The following ASXL3 variants were observed in gnomAD, a reference collection of about 807,000 sequenced individuals.
ASXL3 encodes the protein putative Polycomb group protein ASXL3.
ASXL3 carries 34 observed loss-of-function variants against 170.6 expected under a neutral mutation model. The observed-to-expected ratio is 0.20, with a 90% CI of 0.15 to 0.27. The LOEUF is 0.27. ASXL3 is among the 10% of genes least tolerant of loss of function. The probability of loss-of-function intolerance (pLI) is 1.00; values close to 1 mark genes in which losing one functional copy is unlikely to be tolerated. For missense variants in ASXL3, 2,592 were observed against 2,695.3 expected (o/e 0.96, Z 0.85); for synonymous variants, 1,002 against 989.1 (o/e 1.01, Z -0.24).
At chr18:33,686,696 G>C (rs1049428795) in intron 8 of ASXL3, among the ~76,000 whole-genome samples, 1 of 152,196 alleles carries the variant, frequency 6.6e-6, no homozygotes, top group Non-Finnish European at 1.5e-5. Context: ...GGGGAATATA[G>C]TCTACAACCT....
At chr18:33,609,043 T>TC in intron 2 of ASXL3, 1 of 985,022 alleles carries the variant, frequency 1.0e-6, no homozygotes, top group Non-Finnish European at 1.2e-6. Context: ...TGCTAGTTGT[T>TC]CCCCCAGAAA....
Position 33,743,816 on chromosome 18 carries a change from T to C in ASXL3, c.3968T>C (p.Leu1323Ser), listed in dbSNP as rs138597328. 1.2e-6 allele frequency: 2 copies of C among 1,613,994 alleles called. No individual in the cohort carries two copies. The highest frequency in any genetic ancestry group is 4.5e-5 in the East Asian group (2 of 44,864). ...TCAAGCTCCATGGATGATAAGCAGT[T>C]ACTAATATCAAGCAGCAGTGCTAGT... The part of the protein sequence containing the change: ...SISSSMDDKQ[L>S]LISSSSASNL... The change falls in exon 12 of 12, where the codon TTA becomes TCA. Residue 1323 changes from leucine (L) to serine (S), a missense_variant. This residue lies in a region of ASXL3 where 2,246 missense variants were observed against 2,219.6 expected (regional missense o/e 1.01). Coordinates refer to ENST00000269197, the MANE Select transcript of ASXL3 (RefSeq NM_030632.3).
At chr18:33,737,962 T>C (rs954209957) in intron 10 of ASXL3, among the ~76,000 whole-genome samples, 7 of 152,294 alleles carry the variant, frequency 4.6e-5, no homozygotes, top group African/African-American at 1.7e-4. Context: ...ATACGTTATT[T>C]TGCTTTTCTG....
intron 7 of ASXL3, among the ~76,000 whole-genome samples, chr18:33,676,311 T>A (rs2066430073): frequency 6.6e-6 from 1 of 151,392 alleles, no homozygotes; most frequent in African/African-American, 2.4e-5. Flanking sequence ...ACCACCCAGC[T>A]TGGGAAGCTA....
At chr18:33,710,229 C>T (rs375330915) in intron 8 of ASXL3, among the ~76,000 whole-genome samples, 22 of 152,258 alleles carry the variant, frequency 1.4e-4, no homozygotes, top group Admixed American at 4.6e-4. Context: ...CCACTGTACT[C>T]CAGCCTAGGC....
At chr18:33,612,261 G>T (rs551937088) in intron 2 of ASXL3, among the ~76,000 whole-genome samples, 2 of 152,054 alleles carry the variant, frequency 1.3e-5, no homozygotes, top group Admixed American at 6.6e-5. Context: ...CAATATTTAT[G>T]AGGTACATTT....
intron 8 of ASXL3, among the ~76,000 whole-genome samples, chr18:33,708,636 C>T (rs929264523): frequency 2.6e-5 from 4 of 152,110 alleles, no homozygotes; most frequent in Admixed American, 6.6e-5. Flanking sequence ...ACCAGCATAC[C>T]TGGCCTCTAC....
intron 8 of ASXL3, among the ~76,000 whole-genome samples, chr18:33,685,443 A>G (rs2066578653): frequency 6.6e-6 from 1 of 152,152 alleles, no homozygotes; most frequent in South Asian, 2.1e-4. Flanking sequence ...TAGGTGTTAG[A>G]AACGTTTAGG....
At chr18:33,669,659 T>C (rs2066310226) in intron 5 of ASXL3, among the ~76,000 whole-genome samples, 1 of 152,198 alleles carries the variant, frequency 6.6e-6, no homozygotes, top group Non-Finnish European at 1.5e-5. Context: ...CAAGGCAGTC[T>C]TTCAGGAGAT....
chr18:33,636,439 A>C (rs1486630484), intron 2 of ASXL3, among the ~76,000 whole-genome samples: 2 of 152,174 alleles, frequency 1.3e-5, no homozygotes, highest in African/African-American at 4.8e-5. Context: ...GTTTTTAAAT[A>C]AGAAAATTAT....
chr18:33,633,748 G>A lies in ASXL3; in HGVS notation c.138-11146G>A, dbSNP rs182234142. ...TAGTCCTGGCTACTCGGGAGGCTGAGGCAGGGGAATCACTTGAACCCGGGA... is the reference window on the plus strand; with the variant it reads ...TAGTCCTGGCTACTCGGGAGGCTGAAGCAGGGGAATCACTTGAACCCGGGA... On this transcript the variant is annotated intron_variant, in intron 2 of 11. Transcript: ENST00000269197. Among the ~76,000 whole-genome samples, 452 of 151,284 alleles carry A rather than the reference G, an allele frequency of 3.0e-3. 3 individuals are homozygous for A. Among genetic ancestry groups the A allele is most frequent in the African/African-American group, 0.011 (437 of 41,236 alleles).
chr18:33,683,701 C>G (rs1012198744), intron 8 of ASXL3, 133 bp downstream of exon 8: 1 of 976,180 alleles, frequency 1.0e-6, no homozygotes, highest in African/African-American at 1.7e-5. Flanking sequence ...TTATTGCTGT[C>G]ATTAGCTTAT....
Position 33,742,971 on chromosome 18 carries a change from A to G in ASXL3, c.3123A>G (p.Thr1041=). 1.2e-5 allele frequency: 19 copies of G among 1,613,894 alleles called. No individual in the cohort carries two copies. Among genetic ancestry groups the G allele is most frequent in the Non-Finnish European group, 1.6e-5 (19 of 1,179,858 alleles). ...SKPESRASTS[T]SVSGGRNTGA... ...CTGAGTCTCGAGCATCCACTAGCAC[A>G]TCTGTCAGTGGCGGGAGGAACACAG... Residue 1041 remains threonine, a synonymous_variant, in exon 12 of 12, where the codon ACA becomes ACG. Transcript: ENST00000269197.
At chr18:33,619,214 T>G (rs1307267748) in intron 2 of ASXL3, among the ~76,000 whole-genome samples, 1 of 152,112 alleles carries the variant, frequency 6.6e-6, no homozygotes, top group Non-Finnish European at 1.5e-5. Flanking sequence ...GAGCCAATTG[T>G]TCTTAACCTT....
intron 7 of ASXL3, among the ~76,000 whole-genome samples, chr18:33,676,403 C>G (rs10502623): frequency 0.44 from 66,078 of 151,440 alleles, 15,475 homozygotes; most frequent in East Asian, 0.83. Context: ...GATGATATTT[C>G]TCTGAGTAGC....
At chr18:33,735,921 A>G (rs985863424) in intron 10 of ASXL3, among the ~76,000 whole-genome samples, 17 of 152,166 alleles carry the variant, frequency 1.1e-4, no homozygotes, top group Non-Finnish European at 2.4e-4. Context: ...CAAGGGACCT[A>G]CATTACAGAG....
chr18:33,655,779 CATAAAACAA>C (rs1284455528), intron 4 of ASXL3, among the ~76,000 whole-genome samples: 1 of 152,024 alleles, frequency 6.6e-6, no homozygotes, highest in Non-Finnish European at 1.5e-5. Context: ...AAATACTATA[CATAAAACAA>C]ATTATAACCC....
chr18:33,745,039 C>T lies in ASXL3; in HGVS notation c.5191C>T (p.Pro1731Ser), dbSNP rs2067752716. 2.5e-6 allele frequency: 4 copies of T among 1,613,972 alleles called. No individual in the cohort carries two copies. The East Asian group carries it at 8.9e-5, about 36-fold the overall frequency. The change falls in exon 12 of 12, where the codon CCT becomes TCT. Residue 1731 changes from proline (P) to serine (S), a missense_variant. Coordinates refer to ENST00000269197, the MANE Select transcript of ASXL3 (RefSeq NM_030632.3). The stretch of plus-strand genomic sequence containing the variant: ...GGCTACCGATGCCCTGAAGAGAGTC[C>T]CTGGTGCAGGGAGCTCAGGCTGTCG... Reference protein sequence around the residue: ...SLATDALKRVPGAGSSGCRLS... With the variant: ...SLATDALKRVSGAGSSGCRLS...
At chr18:33,643,797 A>C (rs1046284975) in intron 2 of ASXL3, among the ~76,000 whole-genome samples, 6 of 151,884 alleles carry the variant, frequency 4.0e-5, no homozygotes, top group African/African-American at 1.4e-4. Context: ...TACGAATTCA[A>C]AGTTTGAAAG....
Sources: gnomAD v4.1 joint callset for allele counts (sites outside exome capture counted in the v4.1 genomes callset) on GRCh38, gnomAD v4.1.1 for gene constraint, gnomAD v4.1.1 regional missense constraint, MANE v1.5 for transcripts, NCBI Gene and HGNC (gene_info 2026-07-23, HGNC 2026-07-21) for gene names.